ZCCHC14: variants seen among roughly 807,000 people sequenced by gnomAD.
ZCCHC14 encodes the protein zinc finger CCHC-type containing 14, also known as zinc finger CCHC domain-containing protein 14.
Under a neutral mutation model 85.0 loss-of-function variants are expected in ZCCHC14, and 16 were observed. The ratio of observed to expected loss-of-function variants is 0.19; its 90% confidence interval spans 0.13 to 0.29. The LOEUF (loss-of-function observed/expected upper bound fraction) is 0.29. ZCCHC14 is among the 10% of genes least tolerant of loss of function. The pLI, the probability that ZCCHC14 is intolerant of heterozygous loss-of-function variation, is 1.00. For synonymous variants in ZCCHC14, 775 were observed against 630.7 expected (o/e 1.23, Z -3.43); for missense variants, 1,303 against 1,443.5 (o/e 0.90, Z 1.58).
At chr16:87,443,947 G>A (rs1311801618) in intron 2 of ZCCHC14, among the ~76,000 whole-genome samples, 2 of 147,040 alleles carry the variant, frequency 1.4e-5, no homozygotes, top group Non-Finnish European at 3.0e-5. Context: ...TGAGGCATGA[G>A]AATCACTTGA....
intron 2 of ZCCHC14, among the ~76,000 whole-genome samples, chr16:87,453,923 C>G (rs1470430433): frequency 6.6e-6 from 1 of 152,004 alleles, no homozygotes; most frequent in Non-Finnish European, 1.5e-5. Flanking sequence ...CAAAAATGCC[C>G]ACAATACATG....
rs559938556 is a variant in ZCCHC14 at position 87,475,277 on chromosome 16, T to C, written c.571-15146A>G. 8.6e-5 allele frequency among the ~76,000 whole-genome samples: 13 copies of C among 152,012 alleles called. No individual in the cohort carries two copies. The South Asian group carries it at 1.7e-3, about 19-fold the overall frequency. On this transcript the variant is annotated intron_variant, in intron 1 of 12. Coordinates refer to ENST00000671377, the MANE Select transcript of ZCCHC14 (RefSeq NM_015144.3). ...AAAAAATGGAAATTCCAGGGCCAGG[T>C]GCAGTGGCTCACGCCTGTAATCTCA...
intron 4 of ZCCHC14, among the ~76,000 whole-genome samples, chr16:87,421,663 G>A (rs1382839171): frequency 6.6e-6 from 1 of 152,154 alleles, no homozygotes; most frequent in African/African-American, 2.4e-5. Context: ...GGCCTGCAGG[G>A]ACGGCTGAAA....
chr16:87,443,749 C>T (rs919917845), intron 2 of ZCCHC14, among the ~76,000 whole-genome samples: 4 of 148,098 alleles, frequency 2.7e-5, no homozygotes, highest in African/African-American at 1.0e-4. Context: ...AAACAAAAAC[C>T]AAAAAAGCCA....
rs916098995 is a variant in ZCCHC14, at chr16:87,420,612, G to A, written c.945C>T (p.Gly315=). 6.2e-7 allele frequency: 1 copy of A among 1,612,580 alleles called. No homozygotes were observed. Among genetic ancestry groups the A allele is most frequent in the Non-Finnish European group, 8.5e-7 (1 of 1,179,294 alleles). ...VERNHVDLDS[G]LRYLASLPSH... is the part of the protein sequence containing the mutation. ...GTGCCTGGTAAGGGCCTCACCTCAGGCCTGAGTCCAGATCCACGTGGTTTC... is the reference window on the plus strand; with the variant it reads ...GTGCCTGGTAAGGGCCTCACCTCAGACCTGAGTCCAGATCCACGTGGTTTC... Residue 315 remains glycine, a synonymous_variant, in exon 5 of 13, where the codon GGC becomes GGT. Coordinates refer to ENST00000671377, the MANE Select transcript of ZCCHC14 (RefSeq NM_015144.3). This position sits in a 1 kb window ranked among gnomAD's most constrained non-coding sequence, Gnocchi z 5.0.
At chr16:87,419,006 G>C (rs1033368730) in intron 6 of ZCCHC14, 105 bp from the exon 7 acceptor site, 1 of 1,076,850 alleles carries the variant, frequency 9.3e-7, no homozygotes, top group Admixed American at 2.2e-5. Context: ...GCCCAGGCTG[G>C]AGAGCAATGG....
chr16:87,444,784 G>T (rs1048680102), intron 2 of ZCCHC14, among the ~76,000 whole-genome samples: 1 of 152,180 alleles, frequency 6.6e-6, no homozygotes, highest in African/African-American at 2.4e-5. Flanking sequence ...GGATACAAAG[G>T]AGGCCAAATG....
intron 2 of ZCCHC14, among the ~76,000 whole-genome samples, chr16:87,444,038 GAAAA>G (rs56352252): frequency 1.3e-5 from 1 of 77,112 alleles, no homozygotes; most frequent in Non-Finnish European, 2.3e-5. Flanking sequence ...CTCTATCACA[GAAAA>G]AAAAAAAAAA....
At chr16:87,474,313 G>C (rs8053893) in intron 1 of ZCCHC14, 80,244 of 152,204 alleles carry the variant, frequency 0.53, 23,744 homozygotes, top group African/African-American at 0.77. Flanking sequence ...ACTGGGCCAT[G>C]CTAGCCTTCT....
At chr16:87,454,621 A>C (rs1910863266) in intron 2 of ZCCHC14, among the ~76,000 whole-genome samples, 1 of 152,278 alleles carries the variant, frequency 6.6e-6, no homozygotes, top group South Asian at 2.1e-4. Context: ...TGTGAAAGGA[A>C]GTTCTTCAGG....
chr16:87,460,616 G>C (rs1434731302), intron 1 of ZCCHC14, among the ~76,000 whole-genome samples: 1 of 152,136 alleles, frequency 6.6e-6, no homozygotes, highest in East Asian at 1.9e-4. Context: ...CTTGAACCCA[G>C]GAGGCAGGGG....
rs943434991 is a variant in ZCCHC14 at position 87,409,916 on chromosome 16, G to A, written c.*364C>T. 1.7e-5 allele frequency: 3 copies of A among 175,812 alleles called. No homozygotes were observed. The highest frequency in any genetic ancestry group is 2.4e-5 in the Non-Finnish European group (2 of 83,616). The allele number at this position is 175,812 out of a possible 1,614,324, so 10.9% of individuals were successfully genotyped here. A position where few individuals can be genotyped will look rare whatever the true frequency, so the allele number is the denominator to read the frequency against. On this transcript the variant is annotated 3_prime_UTR_variant, in exon 13 of 13. Coordinates refer to ENST00000671377, the MANE Select transcript of ZCCHC14 (RefSeq NM_015144.3). ...ACTCCACTTGGAGAACTCCAAGCTC[G>A]GTTCTCGATTCAGACCACGTGTAGC...
At chr16:87,430,224 G>C (rs1235208845) in intron 3 of ZCCHC14, among the ~76,000 whole-genome samples, 1 of 152,142 alleles carries the variant, frequency 6.6e-6, no homozygotes, top group African/African-American at 2.4e-5. Flanking sequence ...TTTGGTGTAA[G>C]GGCAGCGGCG....
Position 87,413,123 on chromosome 16 carries a change from G to A in ZCCHC14, c.1676C>T (p.Ser559Phe). The part of the protein sequence containing the change: ...REGSSSEYSS[S>F]SSSPMGVQAR... ...CTGTACCCCCATGGGGCTGGAGGAGGAGCTGGAGTACTCCGAGGAACTGCC... is the reference window on the plus strand; with the variant it reads ...CTGTACCCCCATGGGGCTGGAGGAGAAGCTGGAGTACTCCGAGGAACTGCC... Residue 559 changes from serine to phenylalanine, a missense_variant, in exon 11 of 13, where the codon TCC (serine) becomes TTC (phenylalanine). By Grantham distance (155) the Ser-to-Phe change is radical. Coordinates refer to ENST00000671377, the MANE Select transcript of ZCCHC14 (RefSeq NM_015144.3). 6.2e-7 allele frequency: 1 copy of A among 1,613,422 alleles called. No homozygotes were observed. The highest frequency in any genetic ancestry group is 8.5e-7 in the Non-Finnish European group (1 of 1,179,752).
chr16:87,414,175 G>C (rs1049876074), intron 10 of ZCCHC14, among the ~76,000 whole-genome samples: 1 of 149,160 alleles, frequency 6.7e-6, no homozygotes, highest in Non-Finnish European at 1.5e-5. Context: ...CTCTGTGTAC[G>C]AGTAACCCAC....
At chr16:87,448,314 C>T (rs1910535072) in intron 2 of ZCCHC14, among the ~76,000 whole-genome samples, 1 of 152,178 alleles carries the variant, frequency 6.6e-6, no homozygotes, top group Admixed American at 6.5e-5. Context: ...CTGGTTTCTT[C>T]ACAGGTGAAA....
chr16:87,482,375 GA>G (rs1249903650), intron 1 of ZCCHC14, among the ~76,000 whole-genome samples: 1 of 152,206 alleles, frequency 6.6e-6, no homozygotes, highest in Non-Finnish European at 1.5e-5. Flanking sequence ...GAAAGCAGAG[GA>G]AAAACTGAAA....
At chr16:87,459,251 G>T (rs758348982) in intron 2 of ZCCHC14, among the ~76,000 whole-genome samples, 1 of 152,154 alleles carries the variant, frequency 6.6e-6, no homozygotes, top group Non-Finnish European at 1.5e-5. Context: ...AAAACACTCC[G>T]TCACCACAGA....
At chr16:87,443,968 C>G (rs919969852) in intron 2 of ZCCHC14, among the ~76,000 whole-genome samples, 1 of 137,042 alleles carries the variant, frequency 7.3e-6, no homozygotes, top group Non-Finnish European at 1.5e-5. Context: ...ACCTGGGAGG[C>G]GGAGATTACA....
Sources: gnomAD v4.1 joint callset for allele counts (sites outside exome capture counted in the v4.1 genomes callset) on GRCh38, gnomAD v4.1.1 for gene constraint, Gnocchi (gnomAD v3.1) non-coding constraint, MANE v1.5 for transcripts, NCBI Gene and HGNC (gene_info 2026-07-23, HGNC 2026-07-21) for gene names.